Variants in ENTPD1 observed in about 807,000 individuals in gnomAD.
ENTPD1 encodes the protein ectonucleoside triphosphate diphosphohydrolase 1, also known as ATP diphosphohydrolase.
In ENTPD1, 33 loss-of-function variants were observed where a neutral mutation model predicts 57.0. That is an observed-to-expected ratio of 0.58 (90% CI 0.44 to 0.77). The LOEUF is 0.77. ENTPD1 is among the 30% of genes least tolerant of loss of function. The probability of loss-of-function intolerance (pLI) is 0.00; values close to 1 mark genes in which losing one functional copy is unlikely to be tolerated. For missense variants in ENTPD1, 501 were observed against 603.4 expected, an observed-to-expected ratio of 0.83 and a Z score of 1.78; for synonymous variants, 202 against 218.8, an observed-to-expected ratio of 0.92 and a Z score of 0.68.
chr10:95,800,116 C>T (rs561611369), intron 1 of ENTPD1, among the ~76,000 whole-genome samples: 31 of 152,156 alleles, frequency 2.0e-4, no homozygotes, highest in East Asian at 5.8e-4. Flanking sequence ...TGCTGTGTAT[C>T]GGGGGAACCA....
At chr10:95,733,415 CCTGAGTGG>C (rs2097991371) in intron 1 of ENTPD1, among the ~76,000 whole-genome samples, 2 of 152,192 alleles carry the variant, frequency 1.3e-5, no homozygotes, top group South Asian at 4.1e-4. Flanking sequence ...ATGACAGGAT[CCTGAGTGG>C]ACATACATCC....
chr10:95,704,965 A>C, the ENTPD1 span, among the ~76,000 whole-genome samples: 3 of 152,018 alleles, frequency 2.0e-5, no homozygotes, highest in Non-Finnish European at 4.4e-5. Context: ...CCCCCAAAAA[A>C]TTGACCAAAA....
At chr10:95,713,908 T>A (rs2097968630) in intron 1 of ENTPD1, among the ~76,000 whole-genome samples, 1 of 152,392 alleles carries the variant, frequency 6.6e-6, no homozygotes, top group African/African-American at 2.4e-5. Flanking sequence ...TATTTTGGCA[T>A]AAGTCCAAAT....
chr10:95,872,668 G>T lies in ENTPD1; in HGVS notation c.*6285G>T. On this transcript the variant is annotated 3_prime_UTR_variant, in exon 10 of 10. Transcript: ENST00000371205. ...TTCTTTCTGAAAAGTTGGATTCAGGGATATTATCACGGACCTAAGGTAATA... is the reference window on the plus strand; with the variant it reads ...TTCTTTCTGAAAAGTTGGATTCAGGTATATTATCACGGACCTAAGGTAATA... 2.1e-6 allele frequency: 2 copies of T among 942,956 alleles called. No individual in the cohort carries two copies. Among genetic ancestry groups the T allele is most frequent in the Non-Finnish European group, 2.5e-6 (2 of 811,272 alleles). The allele number at this position is 942,956 out of a possible 1,614,324, so 58.4% of individuals were successfully genotyped here. A position where few individuals can be genotyped will look rare whatever the true frequency, so the allele number is the denominator to read the frequency against.
chr10:95,792,998 C>T (rs1477541022), intron 1 of ENTPD1, among the ~76,000 whole-genome samples: 1 of 152,174 alleles, frequency 6.6e-6, no homozygotes, highest in East Asian at 1.9e-4. Flanking sequence ...CTTGGGCTTA[C>T]TATGCTTTCT....
At chr10:95,795,997 G>A (rs2098224551) in intron 1 of ENTPD1, among the ~76,000 whole-genome samples, 1 of 152,106 alleles carries the variant, frequency 6.6e-6, no homozygotes. Flanking sequence ...TTGCTTCCTA[G>A]AAAACATGGA....
the ENTPD1 span, among the ~76,000 whole-genome samples, chr10:95,695,311 G>C: frequency 6.6e-6 from 1 of 152,168 alleles, no homozygotes; most frequent in Non-Finnish European, 1.5e-5. Flanking sequence ...GCTCCTCCTA[G>C]ACCCAGTATT....
chr10:95,835,348 C>T (rs191538517), intron 2 of ENTPD1, among the ~76,000 whole-genome samples: 10 of 152,290 alleles, frequency 6.6e-5, no homozygotes, highest in African/African-American at 2.4e-4. Context: ...CATTGATGGA[C>T]ACCTGGGTTG....
At chr10:95,700,899 TCTC>T in the ENTPD1 span, among the ~76,000 whole-genome samples, 1 of 151,888 alleles carries the variant, frequency 6.6e-6, no homozygotes, top group Non-Finnish European at 1.5e-5. Context: ...CTCAAGCAAT[TCTC>T]CTGCCTCAGC....
rs34841311 is a variant in ENTPD1 at position 95,731,781 on chromosome 10, C to CTTTTTTTTTT, written c.37+19800_37+19809dup. Among the ~76,000 whole-genome samples the CTTTTTTTTTT allele has an allele frequency of 6.8e-3, 537 of 79,146 alleles. 65 individuals are homozygous for CTTTTTTTTTT. The highest frequency in any genetic ancestry group is 9.2e-3 in the African/African-American group (171 of 18,632). The allele number at this position is 79,146 out of a possible 152,430, so 51.9% of individuals were successfully genotyped here. Reference sequence around the variant, plus strand: ...GGTAAGAATTAGAGGAGTGGACATCCTTTTTTTTTTTTTTTTTTTTTGACA... The same window carrying CTTTTTTTTTT: ...GGTAAGAATTAGAGGAGTGGACATCCTTTTTTTTTTTTTTTTTTTTTTTTTTTTTTTGACA... On this transcript the variant is annotated intron_variant, in intron 1 of 9. Transcript: ENST00000453258.
At chr10:95,745,210 G>A (rs903031212) in intron 1 of ENTPD1, among the ~76,000 whole-genome samples, 4 of 151,976 alleles carry the variant, frequency 2.6e-5, no homozygotes, top group African/African-American at 9.7e-5. Flanking sequence ...TAGAAATAAG[G>A]TCTTGCTCTC....
At position 95,876,559 on chromosome 10, in the gene ENTPD1, G is replaced by A; in HGVS notation, c.*10176G>A. 1 of 1,231,132 alleles carries A rather than the reference G, an allele frequency of 8.1e-7. No homozygotes were observed. Among genetic ancestry groups the A allele is most frequent in the South Asian group, 4.1e-5 (1 of 24,278 alleles). The allele number at this position is 1,231,132 out of a possible 1,614,324, so 76.3% of individuals were successfully genotyped here. On this transcript the variant is annotated 3_prime_UTR_variant, in exon 10 of 10. Transcript: ENST00000371205. ...TGAACCATCTTCTTGGAGTACTCAT[G>A]AAGATGGAAGTCTACATGGAGAATA...
chr10:95,742,733 G>A (rs1431536523), intron 1 of ENTPD1, among the ~76,000 whole-genome samples: 1 of 152,066 alleles, frequency 6.6e-6, no homozygotes, highest in East Asian at 1.9e-4. Flanking sequence ...TGTAACAAAT[G>A]CTTTTGCAAA....
chr10:95,804,163 T>G (rs188852238), intron 1 of ENTPD1, among the ~76,000 whole-genome samples: 1 of 152,204 alleles, frequency 6.6e-6, no homozygotes, highest in African/African-American at 2.4e-5. Context: ...TTCTTCTTGC[T>G]TAGGATTGTC....
the ENTPD1 span, among the ~76,000 whole-genome samples, chr10:95,699,182 GA>G: frequency 4.0e-5 from 6 of 149,260 alleles, no homozygotes; most frequent in African/African-American, 1.5e-4. Context: ...AAGGAAAAAG[GA>G]AAAAAAAATT....
At chr10:95,701,535 T>C in the ENTPD1 span, among the ~76,000 whole-genome samples, 9 of 152,218 alleles carry the variant, frequency 5.9e-5, no homozygotes, top group South Asian at 1.9e-3. Flanking sequence ...GATTAAATAA[T>C]AAAAATAGAG....
At chr10:95,813,865 C>T (rs1450182575) in intron 1 of ENTPD1, among the ~76,000 whole-genome samples, 1 of 152,192 alleles carries the variant, frequency 6.6e-6, no homozygotes, top group Non-Finnish European at 1.5e-5. Flanking sequence ...TAAGGCTAGG[C>T]ACCCTGGTTG....
At chr10:95,765,792 A>T (rs2098086206) in intron 1 of ENTPD1, among the ~76,000 whole-genome samples, 1 of 152,172 alleles carries the variant, frequency 6.6e-6, no homozygotes, top group South Asian at 2.1e-4. Flanking sequence ...CATCTTAAAA[A>T]TATTAAATCT....
chr10:95,864,673 C>T, intron 8 of ENTPD1, 51 bp from the exon 9 acceptor site: 1 of 1,612,282 alleles, frequency 6.2e-7, no homozygotes, highest in Non-Finnish European at 8.5e-7. Context: ...AAGAGGGCCA[C>T]AGAGAGGTGC....
Sources: allele counts gnomAD v4.1 joint callset (sites outside exome capture counted in the v4.1 genomes callset), GRCh38; gene constraint gnomAD v4.1.1; transcripts MANE v1.5; gene names NCBI Gene and HGNC (gene_info 2026-07-23, HGNC 2026-07-21).